Variants in MARCHF7 observed in about 807,000 individuals in gnomAD.
The protein encoded by MARCHF7 is E3 ubiquitin-protein ligase MARCHF7.
MARCHF7 carries 20 observed loss-of-function variants against 76.5 expected under a neutral mutation model. The ratio of observed to expected loss-of-function variants is 0.26; its 90% CI spans 0.18 to 0.38. The LOEUF (loss-of-function observed/expected upper bound fraction) is 0.38, where lower values mean the gene tolerates loss of function less well. Ranked by LOEUF, MARCHF7 falls within the 10% of genes least tolerant of loss-of-function variation. MARCHF7 has a pLI of 1.00. For synonymous variants in MARCHF7, 295 were observed against 293.0 expected (o/e 1.01, Z -0.07); for missense variants, 797 against 812.9 (o/e 0.98, Z 0.24).
intron 9 of MARCHF7, among the ~76,000 whole-genome samples, chr2:159,762,616 C>T (rs1278715416): frequency 6.6e-6 from 1 of 152,156 alleles, no homozygotes; most frequent in East Asian, 1.9e-4. Context: ...CCAAAGCATT[C>T]ATTCCACCAT....
chr2:159,733,989 A>G (rs1211887407), intron 4 of MARCHF7: 6 of 1,324,180 alleles, frequency 4.5e-6, no homozygotes, highest in Non-Finnish European at 5.9e-6. Context: ...TTCACCTGCT[A>G]CTAATCTTGC....
At chr2:159,714,157 C>T (rs1468451097) in intron 1 of MARCHF7, among the ~76,000 whole-genome samples, 1 of 152,186 alleles carries the variant, frequency 6.6e-6, no homozygotes, top group East Asian at 1.9e-4. Flanking sequence ...TTACACAACT[C>T]TTTTATCTGC....
chr2:159,725,891 A>G (rs1421987848), intron 3 of MARCHF7, among the ~76,000 whole-genome samples: 4 of 152,230 alleles, frequency 2.6e-5, no homozygotes, highest in Non-Finnish European at 4.4e-5. Context: ...AAGTGGAAAC[A>G]TTTCAGATGA....
At position 159,748,167 on chromosome 2, in the gene MARCHF7, A is replaced by G. The variant is rs746284672; in HGVS notation, c.877A>G (p.Thr293Ala). ...LSRIASSMSSTFFSRRSSQDS... is the reference protein window; with the variant it reads ...LSRIASSMSSAFFSRRSSQDS... ...ACGCATAGCTTCTAGCATGTCATCT[A>G]CTTTTTTTTCACGAAGATCTAGTCA... is the stretch of plus-strand genomic sequence containing the variant. Residue 293 changes from threonine (T) to alanine (A), a missense_variant, in exon 7 of 12, where the codon ACT becomes GCT. Physicochemically the swap from Thr to Ala is moderately conservative, Grantham distance 58. Transcript: ENST00000409175. 6 of 1,612,774 alleles carry G rather than the reference A, an allele frequency of 3.7e-6. No individual in the cohort carries two copies. The highest frequency in any genetic ancestry group is 4.5e-5 in the East Asian group (2 of 44,894).
chr2:159,718,140 G>A (rs2125284600), intron 3 of MARCHF7, among the ~76,000 whole-genome samples: 1 of 152,226 alleles, frequency 6.6e-6, no homozygotes, highest in East Asian at 1.9e-4. Flanking sequence ...TTTTGTAGGT[G>A]AGAAAATTAA....
intron 4 of MARCHF7, among the ~76,000 whole-genome samples, chr2:159,740,922 A>T (rs1704047867): frequency 6.6e-6 from 1 of 152,206 alleles, no homozygotes; most frequent in Non-Finnish European, 1.5e-5. Flanking sequence ...TCATGCCTGT[A>T]ATCCCAGCTG....
intron 5 of MARCHF7, 105 bp from the exon 6 acceptor site, chr2:159,745,656 AAATAATAAT>A: frequency 1.4e-6 from 1 of 697,888 alleles, no homozygotes; most frequent in East Asian, 3.2e-5. Context: ...ACTCCGTCTC[AAATAATAAT>A]AATAATAATA....
rs1458986915 is a variant in MARCHF7 at position 159,770,993 on chromosome 2, T to C, written c.*3651T>C. ...TGATTTTCACCTTTTTCTTAAAATG[T>C]ACAATAAATGCACTGAAAACTTTGA... On this transcript the variant is annotated 3_prime_UTR_variant, in exon 12 of 12. Coordinates refer to ENST00000409175, the MANE Select transcript of MARCHF7 (RefSeq NM_001282805.2). The C allele has an allele frequency of 2.0e-5, 3 of 152,230 alleles. No individual in the cohort carries two copies. Among genetic ancestry groups the C allele is most frequent in the East Asian group, 3.8e-4 (2 of 5,208 alleles). 9.4% of individuals were successfully genotyped at this position (152,230 alleles called of 1,614,324 possible).
chr2:159,763,658 G>A (rs1413520473), intron 10 of MARCHF7, among the ~76,000 whole-genome samples: 1 of 152,184 alleles, frequency 6.6e-6, no homozygotes, highest in Non-Finnish European at 1.5e-5. Flanking sequence ...AACACTTCAT[G>A]TCTTGAAATG....
chr2:159,733,703 A>T, intron 4 of MARCHF7: 1 of 985,432 alleles, frequency 1.0e-6, no homozygotes, highest in Non-Finnish European at 1.2e-6. Context: ...TTATAGACTT[A>T]ATATGGGAAC....
chr2:159,758,599 T>C (rs2125691520), intron 8 of MARCHF7, among the ~76,000 whole-genome samples: 1 of 152,388 alleles, frequency 6.6e-6, no homozygotes, highest in African/African-American at 2.4e-5. Flanking sequence ...ATAAAATATT[T>C]GTCCTTTTGT....
chr2:159,742,690 G>A (rs1360958153), intron 4 of MARCHF7, among the ~76,000 whole-genome samples: 1 of 152,164 alleles, frequency 6.6e-6, no homozygotes, highest in African/African-American at 2.4e-5. Flanking sequence ...GCTCGTGCCT[G>A]TAATCCCAGC....
chr2:159,724,661 C>G (rs540463134), intron 3 of MARCHF7, among the ~76,000 whole-genome samples: 2 of 152,210 alleles, frequency 1.3e-5, no homozygotes, highest in South Asian at 2.1e-4. Flanking sequence ...TTTGTATTCT[C>G]ACACATCCTG....
chr2:159,712,746 A>C (rs960936768), intron 1 of MARCHF7, 140 bp downstream of exon 1: 6 of 152,332 alleles, frequency 3.9e-5, no homozygotes, highest in Non-Finnish European at 5.9e-5. Flanking sequence ...GGAAACGAAG[A>C]GGCCTGGGGA....
intron 10 of MARCHF7, among the ~76,000 whole-genome samples, chr2:159,763,928 C>T (rs955457101): frequency 3.9e-5 from 6 of 152,110 alleles, no homozygotes; most frequent in Non-Finnish European, 7.4e-5. Context: ...GCAAAGATCT[C>T]TTGACTTCTA....
At position 159,745,944 on chromosome 2, in the gene MARCHF7, A is replaced by G. The variant is rs1023939664; in HGVS notation, c.514+7A>G. ...GATTTCACAACTTCATCATGTATGTATAAATTACATCAAGTATAACTTCTC... is the reference window on the plus strand; with the variant it reads ...GATTTCACAACTTCATCATGTATGTGTAAATTACATCAAGTATAACTTCTC... On this transcript the variant is annotated splice_region_variant and intron_variant, in intron 6 of 11. Transcript: ENST00000409175. 2 of 1,601,436 alleles carry G rather than the reference A, an allele frequency of 1.2e-6. No individual in the cohort carries two copies. Among genetic ancestry groups the G allele is most frequent in the African/African-American group, 1.3e-5 (1 of 74,426 alleles).
At chr2:159,733,744 C>T in intron 4 of MARCHF7, 1 of 985,310 alleles carries the variant, frequency 1.0e-6, no homozygotes, top group South Asian at 4.7e-5. Flanking sequence ...TTTTATAGAA[C>T]ATTTTTTACT....
intron 4 of MARCHF7, among the ~76,000 whole-genome samples, chr2:159,730,427 C>G (rs1702650567): frequency 6.6e-6 from 1 of 152,122 alleles, no homozygotes; most frequent in Non-Finnish European, 1.5e-5. Flanking sequence ...AGTAAGCATT[C>G]TTTAAGATAT....
chr2:159,722,629 G>A (rs1362702139), intron 3 of MARCHF7, among the ~76,000 whole-genome samples: 2 of 152,184 alleles, frequency 1.3e-5, no homozygotes, highest in Non-Finnish European at 2.9e-5. Flanking sequence ...TTAAATGAAT[G>A]AATGGACTTG....
Sources: gnomAD v4.1 joint callset for allele counts (sites outside exome capture counted in the v4.1 genomes callset) on GRCh38, gnomAD v4.1.1 for gene constraint, MANE v1.5 for transcripts, NCBI Gene and HGNC (gene_info 2026-07-23, HGNC 2026-07-21) for gene names.